Variants in GNPTG observed in about 807,000 individuals in gnomAD.
GNPTG encodes N-acetylglucosamine-1-phosphate transferase subunit gamma, also known as N-acetylglucosamine-1-phosphotransferase subunit gamma.
GNPTG carries 46 observed loss-of-function variants against 43.8 expected under a neutral mutation model. The ratio of observed to expected loss-of-function variants is 1.05; its 90% CI spans 0.83 to 1.34. GNPTG has a LOEUF of 1.34. GNPTG is among the 40% of genes most tolerant of loss of function. The probability of loss-of-function intolerance (pLI) is 0.00; values close to 1 mark genes in which losing one functional copy is unlikely to be tolerated. For missense variants in GNPTG, 549 were observed against 411.3 expected (o/e 1.33, Z -2.90); for synonymous variants, 250 against 172.8 (o/e 1.45, Z -3.50).
rs928811901 is a variant in GNPTG at position 1,363,171 on chromosome 16, T to G, written c.*80T>G. On this transcript the variant is annotated 3_prime_UTR_variant, in exon 11 of 11. Coordinates refer to ENST00000204679, the MANE Select transcript of GNPTG (RefSeq NM_032520.5). ...GCTGGTAGGACCCGCAGGGACCAGC[T>G]GACCAGGCTTGTGCTCAGAGAAGCA... 1.3e-5 allele frequency: 15 copies of G among 1,199,212 alleles called. 1 individual carries two copies. In the South Asian group the frequency reaches 1.9e-4, roughly 15 times the overall value. 74.3% of individuals were successfully genotyped at this position (1,199,212 alleles called of 1,614,324 possible).
chr16:1,356,114 G>A (rs545710262), intron 3 of GNPTG, among the ~76,000 whole-genome samples: 10 of 152,232 alleles, frequency 6.6e-5, no homozygotes, highest in Non-Finnish European at 1.3e-4. Context: ...ACCAAGAGAC[G>A]CAGCCCTAGG....
intron 3 of GNPTG, chr16:1,358,221 CA>C (rs2034813382): frequency 6.6e-6 from 1 of 152,406 alleles, no homozygotes; most frequent in Admixed American, 6.6e-5. Flanking sequence ...CACTGCCCTG[CA>C]ACCGTCAGCA....
intron 7 of GNPTG, 64 bp downstream of exon 7, chr16:1,362,384 C>T (rs1218988305): frequency 1.9e-6 from 3 of 1,609,364 alleles, no homozygotes; most frequent in Non-Finnish European, 2.5e-6. Flanking sequence ...TGCTGGAGGC[C>T]CTGTAGTGCT....
intron 1 of GNPTG, 25 bp downstream of exon 1, chr16:1,352,042 C>T (rs1260035344): frequency 1.9e-5 from 28 of 1,512,494 alleles, no homozygotes; most frequent in Non-Finnish European, 2.5e-5. Context: ...CGTCCGCGTC[C>T]CCAGGCCCCG....
Position 1,351,994 on chromosome 16 carries a change from T to A in GNPTG, c.29T>A (p.Leu10Ter), listed in dbSNP as rs1555450681. Residue 10 changes from leucine (L) to a stop codon, truncating the protein, a stop_gained, in exon 1 of 11, where the codon TTG becomes TAG. Transcript: ENST00000204679. LOFTEE classifies it high-confidence loss of function. The part of the protein sequence containing the change: MAAGLARLL[L>*]LLGLSAGGPA... ...GCGGCGGGGCTGGCGCGGCTCCTGT[T>A]GCTCCTCGGGCTCTCGGCCGGCGGT... The A allele has an allele frequency of 4.9e-6, 7 of 1,432,696 alleles. No individual in the cohort carries two copies. Among genetic ancestry groups the A allele is most frequent in the Non-Finnish European group, 6.4e-6 (7 of 1,096,614 alleles). 88.7% of individuals were successfully genotyped at this position (1,432,696 alleles called of 1,614,324 possible).
In GNPTG at chr16:1,352,084, C is replaced by A; in HGVS notation, c.53-18C>A. 1 of 1,553,758 alleles carries A rather than the reference C, an allele frequency of 6.4e-7. No homozygotes were observed. The highest frequency in any genetic ancestry group is 8.7e-7 in the Non-Finnish European group (1 of 1,150,868). ...CTCTGCACCCCGGCCTCCCCGCTCA[C>A]GGTCTCGCTCCCCGTAGGGCCCGCG... is the stretch of plus-strand genomic sequence containing the variant. On this transcript the variant is annotated intron_variant, in intron 1 of 10. Coordinates refer to ENST00000204679, the MANE Select transcript of GNPTG (RefSeq NM_032520.5).
rs1440234416 is a variant in GNPTG at position 1,362,850 on chromosome 16, T to C, written c.767T>C (p.Ile256Thr). 6.2e-7 allele frequency: 1 copy of C among 1,613,298 alleles called. No homozygotes were observed. Among genetic ancestry groups the C allele is most frequent in the Non-Finnish European group, 8.5e-7 (1 of 1,179,894 alleles). The change falls in exon 10 of 11, where the codon ATC becomes ACC. Residue 256 changes from isoleucine to threonine, a missense_variant. Ile to Thr is a moderately conservative substitution (Grantham distance 89). Coordinates refer to ENST00000204679, the MANE Select transcript of GNPTG (RefSeq NM_032520.5). ...GCTCATAAAGAACTCTCAAAGGAGA[T>C]CAAAAGGCTGAAAGGTTTGCTCACC... ...RKAHKELSKEIKRLKGLLTQH... is the reference protein window; with the variant it reads ...RKAHKELSKETKRLKGLLTQH...
At chr16:1,361,995 A>G (rs772324860) in intron 5 of GNPTG, 40 bp downstream of exon 5, 4 of 1,613,092 alleles carry the variant, frequency 2.5e-6, no homozygotes, top group African/African-American at 1.3e-5. Flanking sequence ...GCAGCAGCGC[A>G]GCTCCCCACC....
chr16:1,362,803 G>A (rs1420026231), intron 9 of GNPTG, 22 bp from the exon 10 acceptor site: 1 of 1,614,110 alleles, frequency 6.2e-7, no homozygotes, highest in South Asian at 1.1e-5. Context: ...GCTTTCCCTT[G>A]AACTCTTTTT....
chr16:1,362,992 G>C lies in GNPTG; in HGVS notation c.824-5G>C. 6.2e-7 allele frequency: 1 copy of C among 1,614,032 alleles called. No homozygotes were observed. The highest frequency in any genetic ancestry group is 8.5e-7 in the Non-Finnish European group (1 of 1,180,012). Reference sequence around the variant, plus strand: ...GTGAGGACTGGCCACCTGGTGTTTTGGCAGAAACTTCCAACTTGGAGCACT... The same window carrying C: ...GTGAGGACTGGCCACCTGGTGTTTTCGCAGAAACTTCCAACTTGGAGCACT... On this transcript the variant is annotated splice_polypyrimidine_tract_variant and splice_region_variant and intron_variant, in intron 10 of 10. Coordinates refer to ENST00000204679, the MANE Select transcript of GNPTG (RefSeq NM_032520.5).
At chr16:1,353,294 G>C (rs2034717543) in intron 3 of GNPTG, among the ~76,000 whole-genome samples, 1 of 152,132 alleles carries the variant, frequency 6.6e-6, no homozygotes, top group South Asian at 2.1e-4. Context: ...TTTTATTATC[G>C]AATACCTTTA....
intron 3 of GNPTG, among the ~76,000 whole-genome samples, chr16:1,353,733 C>T (rs1416605646): frequency 8.5e-5 from 13 of 152,054 alleles, no homozygotes; most frequent in Admixed American, 8.5e-4. Flanking sequence ...CTATGTTGCC[C>T]AGGCTGGCCC....
chr16:1,363,189 G>A lies in GNPTG; in HGVS notation c.*98G>A, dbSNP rs1016284477. The stretch of plus-strand genomic sequence containing the variant: ...GACCAGCTGACCAGGCTTGTGCTCA[G>A]AGAAGCAGACAAAACAAAGATTCAA... On this transcript the variant is annotated 3_prime_UTR_variant, in exon 11 of 11. Transcript: ENST00000204679. 5 of 995,136 alleles carry A rather than the reference G, an allele frequency of 5.0e-6. No homozygotes were observed. The African/African-American group carries it at 8.0e-5, about 16-fold the overall frequency. 61.6% of individuals were successfully genotyped at this position (995,136 alleles called of 1,614,324 possible).
At chr16:1,358,362 A>G (rs970463486) in intron 3 of GNPTG, 1 of 152,196 alleles carries the variant, frequency 6.6e-6, no homozygotes, top group African/African-American at 2.4e-5. Flanking sequence ...TAGGTGACTC[A>G]TAACTGTGTG....
At position 1,362,666 on chromosome 16, in the gene GNPTG, C is replaced by G. The variant is rs142548931; in HGVS notation, c.665C>G (p.Pro222Arg). Residue 222 changes from proline (P) to arginine (R), a missense_variant, in exon 9 of 11, where the codon CCA (proline) becomes CGA (arginine). Physicochemically the swap from Pro to Arg is moderately radical, Grantham distance 103. Coordinates refer to ENST00000204679, the MANE Select transcript of GNPTG (RefSeq NM_032520.5). ...LFEDAGYLKT[P>R]EENEPTQLEG... The stretch of plus-strand genomic sequence containing the variant: ...GAGGATGCTGGCTACTTAAAGACCC[C>G]AGAAGAAAATGAACCCACCCAGCTG... 7.4e-6 allele frequency: 12 copies of G among 1,614,072 alleles called. No individual in the cohort carries two copies. The African/African-American group carries it at 1.5e-4, about 20-fold the overall frequency.
chr16:1,360,141 C>G (rs2141859673), intron 3 of GNPTG, among the ~76,000 whole-genome samples: 1 of 151,856 alleles, frequency 6.6e-6, no homozygotes, highest in Non-Finnish European at 1.5e-5. Flanking sequence ...TGTCTCATGT[C>G]AGCTTTATGT....
At position 1,362,009 on chromosome 16, in the gene GNPTG, C is replaced by A. The variant is rs376026722; in HGVS notation, c.318-29C>A. On this transcript the variant is annotated intron_variant, in intron 5 of 10. Transcript: ENST00000204679. ...AGCAGCAGCGCAGCTCCCCACCCGG[C>A]CTCACGTGCCGTGCCCGTGTCTCCC... 24 of 1,612,686 alleles carry A rather than the reference C, an allele frequency of 1.5e-5. No homozygotes were observed. The South Asian group carries it at 1.8e-4, about 12-fold the overall frequency.
intron 3 of GNPTG, 89 bp downstream of exon 3, chr16:1,352,395 C>G (rs1462006399): frequency 3.9e-6 from 5 of 1,292,522 alleles, no homozygotes; most frequent in Admixed American, 3.9e-5. Flanking sequence ...AGAGTTACGG[C>G]CCGGAGTCTA....
intron 3 of GNPTG, among the ~76,000 whole-genome samples, chr16:1,354,588 A>AAAAAAAAAAAAAAT (rs2034740180): frequency 7.1e-6 from 1 of 140,566 alleles, no homozygotes; most frequent in Non-Finnish European, 1.5e-5. Flanking sequence ...TTCGTCTCAA[A>AAAAAAAAAAAAAAT]AAAAAAAAAA....
Sources: gnomAD v4.1 joint callset for allele counts (sites outside exome capture counted in the v4.1 genomes callset) on GRCh38, gnomAD v4.1.1 for gene constraint, MANE v1.5 for transcripts, NCBI Gene and HGNC (gene_info 2026-07-23, HGNC 2026-07-21) for gene names.